Variants in LDLRAD3 observed in about 807,000 individuals in gnomAD.
The protein encoded by LDLRAD3 is low-density lipoprotein receptor class A domain-containing protein 3.
Under a neutral mutation model 29.4 loss-of-function variants are expected in LDLRAD3, and 20 were observed. The ratio of observed to expected loss-of-function variants is 0.68; its 90% CI spans 0.48 to 0.99. The LOEUF is 0.99. Ranked by LOEUF, LDLRAD3 falls within the 50% of genes least tolerant of loss-of-function variation. LDLRAD3 has a pLI of 0.00. For missense variants in LDLRAD3, 420 were observed against 454.3 expected (o/e 0.92, Z 0.69); for synonymous variants, 157 against 192.7 (o/e 0.81, Z 1.53).
intron 1 of LDLRAD3, among the ~76,000 whole-genome samples, chr11:36,019,390 G>C (rs1429080542): frequency 6.6e-6 from 1 of 152,176 alleles, no homozygotes; most frequent in Non-Finnish European, 1.5e-5. Context: ...TCTTTATTCT[G>C]CTGGCATTTC....
At chr11:36,199,748 T>C (rs1254575748) in intron 4 of LDLRAD3, among the ~76,000 whole-genome samples, 1 of 152,236 alleles carries the variant, frequency 6.6e-6, no homozygotes, top group Admixed American at 6.5e-5. Context: ...TTTTCTCTTA[T>C]ATTTTCCTTT....
intron 2 of LDLRAD3, among the ~76,000 whole-genome samples, chr11:36,081,036 G>C (rs1853105505): frequency 1.3e-5 from 2 of 152,118 alleles, no homozygotes; most frequent in African/African-American, 2.4e-5. Flanking sequence ...AACAGTTTAG[G>C]TACAGTGAGC....
At chr11:36,034,459 T>G (rs1304325253) in intron 1 of LDLRAD3, among the ~76,000 whole-genome samples, 1 of 152,216 alleles carries the variant, frequency 6.6e-6, no homozygotes. Context: ...GATTCTGATG[T>G]GGGCAGTTGG....
intron 3 of LDLRAD3, among the ~76,000 whole-genome samples, chr11:36,087,348 T>A (rs1485528813): frequency 6.6e-6 from 1 of 152,236 alleles, no homozygotes; most frequent in Admixed American, 6.5e-5. Flanking sequence ...TGTCTATTTT[T>A]TAAAGTCCTT....
chr11:36,037,912 T>C (rs1852325270), intron 2 of LDLRAD3, among the ~76,000 whole-genome samples: 1 of 152,204 alleles, frequency 6.6e-6, no homozygotes, highest in African/African-American at 2.4e-5. Flanking sequence ...TTTGCAGAAT[T>C]GTTTGTTTGT....
intron 4 of LDLRAD3, among the ~76,000 whole-genome samples, chr11:36,208,206 C>T (rs1354359845): frequency 6.6e-6 from 1 of 152,120 alleles, no homozygotes; most frequent in Non-Finnish European, 1.5e-5. Flanking sequence ...TGAAAGTGTT[C>T]CCCGTGGCCA....
At chr11:36,118,936 T>A (rs778142111) in intron 4 of LDLRAD3, among the ~76,000 whole-genome samples, 3 of 152,176 alleles carry the variant, frequency 2.0e-5, no homozygotes, top group Non-Finnish European at 4.4e-5. Context: ...GATAGAGTTA[T>A]ATAATATGTG....
intron 2 of LDLRAD3, among the ~76,000 whole-genome samples, chr11:36,067,471 A>T (rs1182585489): frequency 6.6e-6 from 1 of 152,222 alleles, no homozygotes; most frequent in African/African-American, 2.4e-5. Context: ...TTTGTTCCAG[A>T]AAAAGTGCCA....
intron 3 of LDLRAD3, among the ~76,000 whole-genome samples, chr11:36,093,023 T>A (rs772441933): frequency 1.1e-4 from 17 of 152,318 alleles, no homozygotes; most frequent in Non-Finnish European, 2.1e-4. Context: ...GGTGTGGTTG[T>A]ATACAAGGAT....
rs1481809326 is a variant in LDLRAD3 at position 35,944,580 on chromosome 11, G to A, written c.46+436G>A. 1.3e-5 allele frequency among the ~76,000 whole-genome samples: 2 copies of A among 152,116 alleles called. No homozygotes were observed. Among genetic ancestry groups the A allele is most frequent in the Non-Finnish European group, 2.9e-5 (2 of 68,014 alleles). On this transcript the variant is annotated intron_variant, in intron 1 of 5. Coordinates refer to ENST00000315571, the MANE Select transcript of LDLRAD3 (RefSeq NM_174902.4). The surrounding 1 kb of genome is among the most constrained non-coding windows in gnomAD (Gnocchi z 4.9). ...CGCGCGGCTGCGTTAGCCTCCTCTG[G>A]GCCTCTTCCCGAGTCTCTGGCGTGC...
At position 36,036,257 on chromosome 11, in the gene LDLRAD3, G is replaced by A. The variant is rs1404295907; in HGVS notation, c.193+8G>A. 2 of 1,613,818 alleles carry A rather than the reference G, an allele frequency of 1.2e-6. No homozygotes were observed. The highest frequency in any genetic ancestry group is 1.3e-5 in the African/African-American group (1 of 74,900). On this transcript the variant is annotated splice_region_variant and intron_variant, in intron 2 of 5. Transcript: ENST00000315571. ...GTGATGAGAAGGAGTGCCGTGAGTG[G>A]CCTGGCCCTTTGCTGGGGTGGGGTG...
At chr11:36,060,070 C>T (rs2133232419) in intron 2 of LDLRAD3, among the ~76,000 whole-genome samples, 2 of 152,304 alleles carry the variant, frequency 1.3e-5, no homozygotes, top group Middle Eastern at 6.8e-3. Flanking sequence ...AGTTATATAA[C>T]TCAGCTGGGT....
chr11:36,019,631 C>T (rs1002462243), intron 1 of LDLRAD3, among the ~76,000 whole-genome samples: 3 of 152,182 alleles, frequency 2.0e-5, no homozygotes, highest in African/African-American at 7.2e-5. Context: ...CCTGCCAGCT[C>T]ACCCTTACCT....
intron 4 of LDLRAD3, among the ~76,000 whole-genome samples, chr11:36,169,607 T>C (rs1274436165): frequency 6.6e-6 from 1 of 152,212 alleles, no homozygotes; most frequent in Admixed American, 6.5e-5. Context: ...CTAGTTCCTG[T>C]CATTTGTTAC....
rs1244333654 is a variant in LDLRAD3 at position 36,229,792 on chromosome 11, T to TTC, written c.*396_*397insCT. 1 of 176,762 alleles carries TTC rather than the reference T, an allele frequency of 5.7e-6. No homozygotes were observed. The highest frequency in any genetic ancestry group is 2.3e-5 in the African/African-American group (1 of 42,646). 10.9% of individuals were successfully genotyped at this position (176,762 alleles called of 1,614,324 possible). A position where few individuals can be genotyped will look rare whatever the true frequency, so the allele number is the denominator to read the frequency against. ...GGACCCAATTCTCTCTGCTGGGTAG[T>TTC]TACCTTATAGCATTTGGGGATTTGG... On this transcript the variant is annotated 3_prime_UTR_variant, in exon 6 of 6. Coordinates refer to ENST00000315571, the MANE Select transcript of LDLRAD3 (RefSeq NM_174902.4).
intron 2 of LDLRAD3, among the ~76,000 whole-genome samples, chr11:36,056,655 T>C (rs111257562): frequency 9.2e-5 from 14 of 152,192 alleles, no homozygotes; most frequent in African/African-American, 3.4e-4. Context: ...GATATTGCAT[T>C]TTAAATGTCT....
At chr11:36,078,362 A>T (rs1167458619) in intron 2 of LDLRAD3, among the ~76,000 whole-genome samples, 2 of 152,174 alleles carry the variant, frequency 1.3e-5, no homozygotes, top group Non-Finnish European at 2.9e-5. Flanking sequence ...GGGCAGTGCC[A>T]AGCTGTCTTC....
chr11:36,096,104 A>G (rs926853193), intron 3 of LDLRAD3, among the ~76,000 whole-genome samples: 6 of 152,278 alleles, frequency 3.9e-5, no homozygotes, highest in Admixed American at 3.3e-4. Flanking sequence ...GTTTGAGTTT[A>G]CATCATTGGT....
At chr11:35,986,189 A>G (rs1306972899) in intron 1 of LDLRAD3, among the ~76,000 whole-genome samples, 1 of 152,170 alleles carries the variant, frequency 6.6e-6, no homozygotes, top group Non-Finnish European at 1.5e-5. Context: ...TGGGATTGCA[A>G]CTGGACAGTG....
Sources: gnomAD v4.1 joint callset for allele counts (sites outside exome capture counted in the v4.1 genomes callset) on GRCh38, gnomAD v4.1.1 for gene constraint, Gnocchi (gnomAD v3.1) non-coding constraint, MANE v1.5 for transcripts, NCBI Gene and HGNC (gene_info 2026-07-23, HGNC 2026-07-21) for gene names.